Variants in DNAH8 observed in about 807,000 individuals in gnomAD.
The protein encoded by DNAH8 is axonemal beta dynein heavy chain 8.
DNAH8 carries 382 observed loss-of-function variants against 562.1 expected under a neutral mutation model. That is an observed-to-expected ratio of 0.68 (90% CI 0.63 to 0.74). The LOEUF (loss-of-function observed/expected upper bound fraction) is 0.74. DNAH8 is among the 30% of genes least tolerant of loss of function. The pLI, the probability that DNAH8 is intolerant of heterozygous loss-of-function variation, is 0.00. For missense variants in DNAH8, 5,203 were observed against 5,620.4 expected (o/e 0.93, Z 2.37); for synonymous variants, 1,881 against 1,919.4 (o/e 0.98, Z 0.52).
chr6:38,883,140 A>G (rs1480077607), intron 54 of DNAH8, 88 bp downstream of exon 54: 2 of 1,378,216 alleles, frequency 1.5e-6, no homozygotes, highest in Non-Finnish European at 1.9e-6. Flanking sequence ...GCACTTTTAT[A>G]GTACACATTT....
At chr6:38,723,521 T>A in intron 3 of DNAH8, 50 bp downstream of exon 3, 2 of 1,557,974 alleles carry the variant, frequency 1.3e-6, no homozygotes, top group African/African-American at 2.8e-5. Flanking sequence ...GAGTAAGTGA[T>A]TAACTTAAGA....
intron 13 of DNAH8, among the ~76,000 whole-genome samples, chr6:38,776,384 A>G (rs1349180941): frequency 1.3e-5 from 2 of 151,852 alleles, no homozygotes; most frequent in East Asian, 3.9e-4. Context: ...CGCCTGGTTA[A>G]TTTTTGTATT....
At chr6:38,786,680 C>T in intron 17 of DNAH8, 85 bp from the exon 18 acceptor site, 1 of 1,399,968 alleles carries the variant, frequency 7.1e-7, no homozygotes, top group African/African-American at 1.5e-5. Context: ...AGTTAGTAAT[C>T]CAGGGGGCAA....
intron 24 of DNAH8, among the ~76,000 whole-genome samples, chr6:38,808,664 A>G (rs1288974863): frequency 6.6e-6 from 1 of 152,216 alleles, no homozygotes; most frequent in Non-Finnish European, 1.5e-5. Context: ...GGCAATGTTC[A>G]CAATAGCAAA....
intron 82 of DNAH8, among the ~76,000 whole-genome samples, chr6:38,962,328 G>A (rs1481163155): frequency 6.6e-6 from 1 of 152,042 alleles, no homozygotes; most frequent in Non-Finnish European, 1.5e-5. Context: ...GACAAGAATA[G>A]CTAAGAAAGC....
intron 31 of DNAH8, among the ~76,000 whole-genome samples, chr6:38,834,317 G>T (rs980120356): frequency 2.6e-5 from 4 of 152,310 alleles, no homozygotes; most frequent in Middle Eastern, 3.4e-3. Context: ...TGTTCTAAAT[G>T]ATTGTGGTCA....
chr6:38,974,567 C>A, intron 85 of DNAH8, 38 bp downstream of exon 85: 3 of 1,581,004 alleles, frequency 1.9e-6, no homozygotes, highest in Non-Finnish European at 2.6e-6. Context: ...TAGGAGATGG[C>A]CAGTGGTGTG....
chr6:38,966,885 A>G (rs1763003302), intron 82 of DNAH8, among the ~76,000 whole-genome samples: 2 of 152,170 alleles, frequency 1.3e-5, no homozygotes, highest in Non-Finnish European at 2.9e-5. Context: ...TAGCTGATAA[A>G]GGCCGGTTTC....
intron 82 of DNAH8, among the ~76,000 whole-genome samples, chr6:38,956,764 A>G (rs774032893): frequency 2.6e-5 from 4 of 152,188 alleles, no homozygotes; most frequent in Non-Finnish European, 5.9e-5. Flanking sequence ...CAAAGCAAAA[A>G]CCTATATTAG....
chr6:38,931,601 T>TA (rs1359027526), intron 75 of DNAH8, among the ~76,000 whole-genome samples: 1 of 152,194 alleles, frequency 6.6e-6, no homozygotes, highest in Non-Finnish European at 1.5e-5. Context: ...GTATCATTGC[T>TA]AAAAACATCA....
rs1771991333 is a variant in DNAH8 at position 38,813,629 on chromosome 6, T to C, written c.3258-425T>C. 2.0e-5 allele frequency among the ~76,000 whole-genome samples: 3 copies of C among 152,190 alleles called. 1 individual carries two copies. In the South Asian group the frequency reaches 6.2e-4, roughly 32 times the overall value. ...AGGCGTCTGTGCTGCTGTCTGTGCATGAGTGATATTGTTTAACAACGCGGT... is the reference window on the plus strand; with the variant it reads ...AGGCGTCTGTGCTGCTGTCTGTGCACGAGTGATATTGTTTAACAACGCGGT... On this transcript the variant is annotated intron_variant, in intron 24 of 92. Transcript: ENST00000327475.
At position 38,873,305 on chromosome 6, in the gene DNAH8, G is replaced by A; in HGVS notation, c.7549G>A (p.Asp2517Asn). Residue 2517 changes from aspartate to asparagine, a missense_variant, in exon 52 of 93, where the codon GAT becomes AAT. By Grantham distance (23) the Asp-to-Asn change is conservative (BLOSUM62 1). Transcript: ENST00000327475. ...GACACTGTATGAGAAAGTCTTTGAA[G>A]ATACATACACATATATGAAGCTAAA... ...FLTLYEKVFE[D>N]TYTYMKLNLN... is the part of the protein sequence containing the mutation. The A allele has an allele frequency of 6.2e-7, 1 of 1,613,824 alleles. No individual in the cohort carries two copies. The highest frequency in any genetic ancestry group is 1.1e-5 in the South Asian group (1 of 91,022).
At chr6:38,989,972 G>A in intron 87 of DNAH8, 40 bp from the exon 88 acceptor site, 1 of 1,239,806 alleles carries the variant, frequency 8.1e-7, no homozygotes, top group Non-Finnish European at 1.1e-6. Flanking sequence ...TCATTTAGAT[G>A]CTCATCAATT....
intron 18 of DNAH8, among the ~76,000 whole-genome samples, chr6:38,789,175 G>T (rs1227726561): frequency 1.3e-5 from 2 of 152,156 alleles, no homozygotes; most frequent in Non-Finnish European, 2.9e-5. Flanking sequence ...TCAACTACAA[G>T]TAATGTATAA....
intron 14 of DNAH8, 136 bp from the exon 15 acceptor site, chr6:38,779,830 A>T: frequency 1.2e-6 from 1 of 854,156 alleles, no homozygotes; most frequent in Non-Finnish European, 1.9e-6. Context: ...TATCTCGTTC[A>T]TTGCTTTGTC....
chr6:38,948,723 T>A (rs1035608165), intron 80 of DNAH8, among the ~76,000 whole-genome samples: 3 of 152,122 alleles, frequency 2.0e-5, no homozygotes, highest in Admixed American at 2.0e-4. Context: ...AATCTATAGT[T>A]TTCGTACTTA....
At chr6:38,767,578 A>T (rs1176726304) in intron 11 of DNAH8, among the ~76,000 whole-genome samples, 1 of 152,122 alleles carries the variant, frequency 6.6e-6, no homozygotes, top group Non-Finnish European at 1.5e-5. Context: ...TGTCTGGTTT[A>T]TTTCACTTTG....
At chr6:38,909,995 G>A (rs536073139) in intron 65 of DNAH8, among the ~76,000 whole-genome samples, 3 of 152,274 alleles carry the variant, frequency 2.0e-5, no homozygotes, top group South Asian at 4.1e-4. Context: ...GATGCTTAAT[G>A]AATTACTTTA....
intron 88 of DNAH8, among the ~76,000 whole-genome samples, chr6:38,991,908 A>C (rs1327870745): frequency 6.6e-6 from 1 of 152,024 alleles, no homozygotes; most frequent in Non-Finnish European, 1.5e-5. Context: ...ACCCTGCCCA[A>C]GACCTTGTCC....
Sources: gnomAD v4.1 joint callset for allele counts (sites outside exome capture counted in the v4.1 genomes callset) on GRCh38, gnomAD v4.1.1 for gene constraint, MANE v1.5 for transcripts, NCBI Gene and HGNC (gene_info 2026-07-23, HGNC 2026-07-21) for gene names.